Variants in ZNRF2 observed in about 807,000 individuals in gnomAD.
The protein encoded by ZNRF2 is zinc and ring finger 2, also known as E3 ubiquitin-protein ligase ZNRF2.
A neutral mutation model predicts 20.4 loss-of-function variants in ZNRF2; 16 were observed. The ratio of observed to expected loss-of-function variants is 0.79; its 90% CI spans 0.53 to 1.19. ZNRF2 has a LOEUF of 1.19. Among genes scored for constraint, ZNRF2 ranks in the 50% most tolerant of loss-of-function variants. The pLI, the probability that ZNRF2 is intolerant of heterozygous loss-of-function variation, is 0.00. For missense variants in ZNRF2, 363 were observed against 332.4 expected, an observed-to-expected ratio of 1.09 and a Z score of -0.72; for synonymous variants, 178 against 144.9, an observed-to-expected ratio of 1.23 and a Z score of -1.64.
chr7:30,287,668 T>C (rs1189936265), intron 1 of ZNRF2, among the ~76,000 whole-genome samples: 1 of 151,898 alleles, frequency 6.6e-6, no homozygotes, highest in Non-Finnish European at 1.5e-5. Flanking sequence ...TCATTATAGT[T>C]CTTTTAGTGC....
At chr7:30,290,816 G>A (rs1294483430) in intron 1 of ZNRF2, among the ~76,000 whole-genome samples, 1 of 152,206 alleles carries the variant, frequency 6.6e-6, no homozygotes, top group Non-Finnish European at 1.5e-5. Flanking sequence ...CTTTTAAAAA[G>A]TTGTACTAAT....
intron 3 of ZNRF2, among the ~76,000 whole-genome samples, chr7:30,358,146 A>G (rs1032385741): frequency 2.0e-5 from 3 of 152,198 alleles, no homozygotes; most frequent in African/African-American, 7.2e-5. Context: ...ATCCTTGCAT[A>G]TTAATGATTT....
At chr7:30,334,716 A>G (rs1799690565) in intron 2 of ZNRF2, among the ~76,000 whole-genome samples, 1 of 152,198 alleles carries the variant, frequency 6.6e-6, no homozygotes, top group South Asian at 2.1e-4. Context: ...GTAAGGGTGT[A>G]GGGAGTGGGA....
intron 2 of ZNRF2, among the ~76,000 whole-genome samples, chr7:30,346,130 G>T (rs1423742353): frequency 6.0e-5 from 8 of 132,624 alleles, no homozygotes; most frequent in Non-Finnish European, 1.1e-4. Context: ...GTGTATATAG[G>T]ATTTTTAATT....
intron 1 of ZNRF2, among the ~76,000 whole-genome samples, chr7:30,308,830 A>G (rs1799248237): frequency 6.6e-6 from 1 of 152,100 alleles, no homozygotes; most frequent in Non-Finnish European, 1.5e-5. Context: ...GGCTTTTCAG[A>G]TTTACTGAAA....
chr7:30,345,149 A>G (rs1799857277), intron 2 of ZNRF2, among the ~76,000 whole-genome samples: 1 of 152,040 alleles, frequency 6.6e-6, no homozygotes, highest in Admixed American at 6.6e-5. Flanking sequence ...CTTGAATATT[A>G]TTTTTGACTA....
intron 1 of ZNRF2, among the ~76,000 whole-genome samples, chr7:30,319,670 AGAGAAAGATTCCTG>A (rs1799436580): frequency 6.6e-6 from 1 of 152,238 alleles, no homozygotes; most frequent in African/African-American, 2.4e-5. Flanking sequence ...TAGAGCACTT[AGAGAAAGATTCCTG>A]GAGAAAGATG....
intron 3 of ZNRF2, among the ~76,000 whole-genome samples, chr7:30,361,384 C>T (rs139800621): frequency 9.2e-5 from 14 of 152,216 alleles, no homozygotes; most frequent in African/African-American, 3.4e-4. Context: ...CTTTTACCTA[C>T]CAAACCAACC....
At chr7:30,297,866 T>G (rs1165113846) in intron 1 of ZNRF2, among the ~76,000 whole-genome samples, 3 of 151,990 alleles carry the variant, frequency 2.0e-5, no homozygotes, top group Non-Finnish European at 4.4e-5. Context: ...TTGAGGGATT[T>G]ATTTATTTAT....
chr7:30,332,786 C>T (rs796315194), intron 2 of ZNRF2, among the ~76,000 whole-genome samples: 1 of 152,180 alleles, frequency 6.6e-6, no homozygotes, highest in African/African-American at 2.4e-5. Context: ...TTGATGGGCA[C>T]TTAGGTTGAT....
At chr7:30,351,116 G>T (rs1799956258) in intron 2 of ZNRF2, among the ~76,000 whole-genome samples, 2 of 144,188 alleles carry the variant, frequency 1.4e-5, no homozygotes, top group Non-Finnish European at 3.0e-5. Flanking sequence ...TTTTAATTTT[G>T]CATATTTGGC....
At chr7:30,320,810 A>G (rs111972156) in intron 1 of ZNRF2, among the ~76,000 whole-genome samples, 2,168 of 152,138 alleles carry the variant, frequency 0.014, 19 homozygotes, top group South Asian at 0.036. Context: ...TAAATTCATT[A>G]TTTGTCTTTG....
At chr7:30,330,385 T>G (rs576258571) in intron 2 of ZNRF2, among the ~76,000 whole-genome samples, 2 of 152,160 alleles carry the variant, frequency 1.3e-5, no homozygotes, top group African/African-American at 4.8e-5. Flanking sequence ...ATTGAGCCAG[T>G]TGGAAGGCAA....
At chr7:30,350,385 A>G (rs967840007) in intron 2 of ZNRF2, among the ~76,000 whole-genome samples, 1 of 152,058 alleles carries the variant, frequency 6.6e-6, no homozygotes, top group Non-Finnish European at 1.5e-5. Flanking sequence ...GAGTAGCTAC[A>G]TGTTTAACGA....
At chr7:30,287,582 G>C (rs1017525522) in intron 1 of ZNRF2, among the ~76,000 whole-genome samples, 2 of 152,138 alleles carry the variant, frequency 1.3e-5, no homozygotes, top group African/African-American at 4.8e-5. Flanking sequence ...TTCCTAGTAA[G>C]TAAAAATACC....
chr7:30,295,617 G>A (rs1799007343), intron 1 of ZNRF2, among the ~76,000 whole-genome samples: 1 of 152,208 alleles, frequency 6.6e-6, no homozygotes, highest in African/African-American at 2.4e-5. Flanking sequence ...GGCTGAAGCA[G>A]GAGGATCGCT....
At chr7:30,359,028 T>C (rs1800083069) in intron 3 of ZNRF2, among the ~76,000 whole-genome samples, 1 of 152,032 alleles carries the variant, frequency 6.6e-6, no homozygotes, top group Admixed American at 6.5e-5. Flanking sequence ...AATTACAGTA[T>C]AGGAGAGAAA....
intron 2 of ZNRF2, among the ~76,000 whole-genome samples, chr7:30,344,165 G>A (rs1799841334): frequency 6.6e-6 from 1 of 151,322 alleles, no homozygotes; most frequent in African/African-American, 2.4e-5. Context: ...CAGGTGATCT[G>A]CCTGCCTTGG....
intron 1 of ZNRF2, among the ~76,000 whole-genome samples, chr7:30,316,275 C>T (rs939970497): frequency 3.5e-5 from 3 of 85,080 alleles, no homozygotes; most frequent in Admixed American, 2.0e-4. Flanking sequence ...GCAACAAGAG[C>T]GAAACTCCAT....
Sources: gnomAD v4.1 joint callset for allele counts (sites outside exome capture counted in the v4.1 genomes callset) on GRCh38, gnomAD v4.1.1 for gene constraint, MANE v1.5 for transcripts, NCBI Gene and HGNC (gene_info 2026-07-23, HGNC 2026-07-21) for gene names.